Variants in DUOX1 observed in about 807,000 individuals in gnomAD.
DUOX1 encodes the protein dual oxidase 1.
DUOX1 carries 134 observed loss-of-function variants against 181.8 expected under a neutral mutation model. That is an observed-to-expected ratio of 0.74 (90% CI 0.64 to 0.85). The LOEUF (loss-of-function observed/expected upper bound fraction) is 0.85. DUOX1 is among the 40% of genes least tolerant of loss of function. DUOX1 has a pLI of 0.00. For missense variants in DUOX1, 1,814 were observed against 2,064.4 expected (o/e 0.88, Z 2.35); for synonymous variants, 798 against 832.5 (o/e 0.96, Z 0.71).
rs140109961 is a variant in DUOX1, at chr15:45,144,094, C to T, written c.1995C>T (p.Pro665=). 5.0e-6 allele frequency: 8 copies of T among 1,614,024 alleles called. No homozygotes were observed. The highest frequency in any genetic ancestry group is 2.2e-5 in the East Asian group (1 of 44,884). Residue 665 remains proline (P), a synonymous_variant, in exon 17 of 34, where the codon CCC becomes CCT. Coordinates refer to ENST00000389037, the MANE Select transcript of DUOX1 (RefSeq NM_175940.3). ...GGCCCGTGCTTGTGTACCTGCAGCC[C>T]GGGCAGATCCGTGTGGTAGATGGCA... The part of the protein sequence containing the change: ...PCRPVLVYLQ[P]GQIRVVDGRL...
chr15:45,147,250 T>G (rs1189609084), intron 18 of DUOX1, among the ~76,000 whole-genome samples, 183 bp from the exon 19 acceptor site: 1 of 152,202 alleles, frequency 6.6e-6, no homozygotes, highest in Non-Finnish European at 1.5e-5. Context: ...CCCTGTCCAG[T>G]CAGCTAAGGC....
intron 23 of DUOX1, 151 bp from the exon 24 acceptor site, chr15:45,151,723 T>A: frequency 1.3e-6 from 1 of 780,044 alleles, no homozygotes; most frequent in Non-Finnish European, 2.1e-6. Flanking sequence ...TGCGGTGAGG[T>A]CTGAACCCTT....
intron 28 of DUOX1, among the ~76,000 whole-genome samples, chr15:45,157,378 G>C (rs1896991075): frequency 6.6e-6 from 1 of 152,170 alleles, no homozygotes. Context: ...TGTTCCTGGT[G>C]ATAAAGCAGC....
Position 45,163,637 on chromosome 15 carries a change from A to G in DUOX1, c.4354A>G (p.Ile1452Val). ...NDHQDLVSVH[I>V]YITQLAEKFD... is the part of the protein sequence containing the mutation. ...CCACCAGGACCTGGTGTCTGTGCAC[A>G]TCTACATCACCCAGCTGGCTGAGAA... Residue 1452 changes from isoleucine to valine, a missense_variant, in exon 32 of 34, where the codon ATC becomes GTC. This residue lies in a region of DUOX1 where 279 missense variants were observed against 381.9 expected (regional missense o/e 0.73). Coordinates refer to ENST00000389037, the MANE Select transcript of DUOX1 (RefSeq NM_175940.3). 6.2e-7 allele frequency: 1 copy of G among 1,614,088 alleles called. No individual in the cohort carries two copies. Among genetic ancestry groups the G allele is most frequent in the South Asian group, 1.1e-5 (1 of 91,060 alleles).
chr15:45,164,332 A>T (rs1448396292), intron 33 of DUOX1, among the ~76,000 whole-genome samples: 2 of 152,204 alleles, frequency 1.3e-5, no homozygotes, highest in African/African-American at 4.8e-5. Context: ...CTGTTCTTCA[A>T]CTTGAACACT....
intron 18 of DUOX1, among the ~76,000 whole-genome samples, chr15:45,146,351 C>G (rs1896654673): frequency 6.6e-6 from 1 of 152,164 alleles, no homozygotes; most frequent in Non-Finnish European, 1.5e-5. Flanking sequence ...TGAATATGTA[C>G]AAGAACAGAG....
chr15:45,164,093 G>C (rs1174587045), intron 33 of DUOX1, among the ~76,000 whole-genome samples, 175 bp downstream of exon 33: 1 of 152,212 alleles, frequency 6.6e-6, no homozygotes, highest in Non-Finnish European at 1.5e-5. Context: ...AGGTGCTAAA[G>C]GAGGAGGCAG....
chr15:45,148,175 A>G, intron 20 of DUOX1, 97 bp from the exon 21 acceptor site: 1 of 1,572,816 alleles, frequency 6.4e-7, no homozygotes, highest in Middle Eastern at 2.2e-4. Context: ...GCCCCTCCAC[A>G]TGGGCACAGA....
In DUOX1 at chr15:45,151,260, C is replaced by T. The variant is rs1271464143; in HGVS notation, c.3014+12C>T. On this transcript the variant is annotated intron_variant, in intron 23 of 33. Coordinates refer to ENST00000389037, the MANE Select transcript of DUOX1 (RefSeq NM_175940.3). ...AGGTTTGGCAAGAAGTATGTCTGCT[C>T]TTCCCCTTAAGCCCAGGCAGTTCAT... 6.2e-6 allele frequency: 10 copies of T among 1,612,870 alleles called. No homozygotes were observed. The highest frequency in any genetic ancestry group is 2.7e-5 in the African/African-American group (2 of 74,910).
Position 45,144,895 on chromosome 15 carries a change from G to C in DUOX1, c.2137G>C (p.Val713Leu), listed in dbSNP as rs768261181. Residue 713 changes from valine to leucine, a missense_variant and splice_region_variant, in exon 18 of 34, where the codon GTG becomes CTG. Physicochemically the swap from Val to Leu is conservative, Grantham distance 32. This residue lies in a region of DUOX1 where 1,064 missense variants were observed against 1,152.9 expected (regional missense o/e 0.92). Transcript: ENST00000389037. ...GCTTTTGCTCGGGCTGCCCCCTTAGGTGCTGCTGTTTAACTTGGAGGAAGA... is the reference window on the plus strand; with the variant it reads ...GCTTTTGCTCGGGCTGCCCCCTTAGCTGCTGCTGTTTAACTTGGAGGAAGA... ...LLKIPKEYDLVLLFNLEEERQ... is the reference protein window; with the variant it reads ...LLKIPKEYDLLLLFNLEEERQ... 1.9e-6 allele frequency: 3 copies of C among 1,608,168 alleles called. No individual in the cohort carries two copies. Among genetic ancestry groups the C allele is most frequent in the Non-Finnish European group, 2.5e-6 (3 of 1,177,582 alleles).
chr15:45,140,548 G>C, intron 12 of DUOX1: 1 of 203,834 alleles, frequency 4.9e-6, no homozygotes, highest in Non-Finnish European at 1.0e-5. Context: ...CTAAAGAATA[G>C]AAACCTTTTA....
At chr15:45,144,295 T>A in intron 17 of DUOX1, 60 bp downstream of exon 17, 1 of 1,571,486 alleles carries the variant, frequency 6.4e-7, no homozygotes. Flanking sequence ...GGCAGCCAGG[T>A]GGAGGGGAAG....
chr15:45,148,510 T>C, intron 21 of DUOX1, 63 bp downstream of exon 21: 1 of 1,514,206 alleles, frequency 6.6e-7, no homozygotes, highest in East Asian at 2.3e-5. Flanking sequence ...AATGCCCACA[T>C]ACTTTTAGGA....
chr15:45,143,927 C>A, intron 16 of DUOX1, 109 bp from the exon 17 acceptor site: 4 of 1,044,094 alleles, frequency 3.8e-6, no homozygotes, highest in South Asian at 1.4e-5. Context: ...CAGAAGGGGA[C>A]AATGAACTGT....
chr15:45,132,908 A>AT (rs1896189683), intron 2 of DUOX1, among the ~76,000 whole-genome samples: 1 of 152,108 alleles, frequency 6.6e-6, no homozygotes, highest in African/African-American at 2.4e-5. Flanking sequence ...AAAGTCTTGA[A>AT]CCTTAGCTGG....
intron 18 of DUOX1, among the ~76,000 whole-genome samples, chr15:45,145,477 C>A (rs777617612): frequency 1.6e-4 from 25 of 152,174 alleles, no homozygotes; most frequent in Non-Finnish European, 3.4e-4. Context: ...CTCCATGGGG[C>A]ATTGATGTCC....
intron 18 of DUOX1, among the ~76,000 whole-genome samples, chr15:45,145,844 G>T (rs1236407310): frequency 2.6e-5 from 4 of 152,004 alleles, no homozygotes; most frequent in African/African-American, 9.7e-5. Flanking sequence ...GAACCTGGGA[G>T]GCAGAGGTTG....
chr15:45,138,813 A>G, intron 10 of DUOX1: 1 of 479,330 alleles, frequency 2.1e-6, no homozygotes, highest in South Asian at 3.3e-5. Flanking sequence ...ACTGTCAAGT[A>G]TCCCAAGGTC....
In DUOX1 at chr15:45,155,087, C is replaced by T. The variant is rs1896938153; in HGVS notation, c.3575-715C>T. On this transcript the variant is annotated intron_variant, in intron 27 of 33. Coordinates refer to ENST00000389037, the MANE Select transcript of DUOX1 (RefSeq NM_175940.3). ...ACAGCCTGTCATTTCCATTGTTTGG[C>T]CCAGAGGGCCCAGAGTGGACACCCT... 2.6e-5 allele frequency among the ~76,000 whole-genome samples: 4 copies of T among 152,352 alleles called. No homozygotes were observed. The South Asian group carries it at 8.3e-4, about 32-fold the overall frequency.
Sources: gnomAD v4.1 joint callset for allele counts (sites outside exome capture counted in the v4.1 genomes callset) on GRCh38, gnomAD v4.1.1 for gene constraint, gnomAD v4.1.1 regional missense constraint, MANE v1.5 for transcripts, NCBI Gene and HGNC (gene_info 2026-07-23, HGNC 2026-07-21) for gene names.